The following GIGYF1 variants were observed in gnomAD, a reference collection of about 807,000 sequenced individuals.
GIGYF1 encodes the protein GRB10-interacting GYF protein 1.
In GIGYF1, 84 loss-of-function variants were observed where a neutral mutation model predicts 147.1. The ratio of observed to expected loss-of-function variants is 0.57; its 90% CI spans 0.48 to 0.68. The LOEUF is 0.68. GIGYF1 is among the 30% of genes least tolerant of loss of function. The pLI is 0.00. For synonymous variants in GIGYF1, 752 were observed against 589.5 expected (o/e 1.28, Z -3.99); for missense variants, 1,485 against 1,393.7 (o/e 1.07, Z -1.04).
rs1327353394 is a variant in GIGYF1 at position 100,684,242 on chromosome 7, G to A, written c.1725C>T (p.Val575=). 8 of 1,609,976 alleles carry A rather than the reference G, an allele frequency of 5.0e-6. No individual in the cohort carries two copies. The highest frequency in any genetic ancestry group is 6.8e-6 in the Non-Finnish European group (8 of 1,179,096). The change falls in exon 17 of 27, where the codon GTC becomes GTT. Residue 575 remains valine (V), a synonymous_variant. Transcript: ENST00000678049. ...CCACCCCAGGCCCCCCATACCTGCTGACCAGCTGGAGAAACTGCTGGTGCT... is the reference window on the plus strand; with the variant it reads ...CCACCCCAGGCCCCCCATACCTGCTAACCAGCTGGAGAAACTGCTGGTGCT... ...QLQHQQFLQL[V]SSRQLPQCAL...
rs533238859 is a variant in GIGYF1 at position 100,679,702 on chromosome 7, G to A, written c.*2017C>T. 102 of 152,910 alleles carry A rather than the reference G, an allele frequency of 6.7e-4. No homozygotes were observed. The highest frequency in any genetic ancestry group is 3.9e-3 in the South Asian group (19 of 4,836). 9.5% of individuals were successfully genotyped at this position (152,910 alleles called of 1,614,324 possible). A position where few individuals can be genotyped will look rare whatever the true frequency, so the allele number is the denominator to read the frequency against. ...GCGAGGGCCCAGGAAGACCGGGGCC[G>A]GGGAAGGACAGCAACAGGGTCTGAG... is the stretch of plus-strand genomic sequence containing the variant. On this transcript the variant is annotated 3_prime_UTR_variant, in exon 27 of 27. Transcript: ENST00000678049.
In GIGYF1 at chr7:100,681,924, C is replaced by G. The variant is rs778027077; in HGVS notation, c.2995G>C (p.Gly999Arg). The G allele has an allele frequency of 6.2e-7, 1 of 1,610,542 alleles. No individual in the cohort carries two copies. Among genetic ancestry groups the G allele is most frequent in the Non-Finnish European group, 8.5e-7 (1 of 1,179,952 alleles). Reference sequence around the variant, plus strand: ...CGCCTCTTGGCCTTGCTGCCCTCCCCGGGGCCGAGTTTGGTGCTGTGGTTG... The same window carrying G: ...CGCCTCTTGGCCTTGCTGCCCTCCCGGGGGCCGAGTTTGGTGCTGTGGTTG... ...QANHSTKLGPGEGSKAKRRAL... is the reference protein window; with the variant it reads ...QANHSTKLGPREGSKAKRRAL... Residue 999 changes from glycine (G) to arginine (R), a missense_variant, in exon 26 of 27, where the codon GGG becomes CGG. Coordinates refer to ENST00000678049, the MANE Select transcript of GIGYF1 (RefSeq NM_001375765.1).
Position 100,683,815 on chromosome 7 carries a change from C to A in GIGYF1, c.1969+3G>T. The A allele has an allele frequency of 6.4e-7, 1 of 1,574,768 alleles. No individual in the cohort carries two copies. The highest frequency in any genetic ancestry group is 2.3e-5 in the East Asian group (1 of 42,802). On this transcript the variant is annotated splice_donor_region_variant and intron_variant, in intron 19 of 26. Transcript: ENST00000678049. ...GGGGGTGGGGACCAGTCAGGCCACACACCTGACTGTGATGAGGCTGAGGTA... is the reference window on the plus strand; with the variant it reads ...GGGGGTGGGGACCAGTCAGGCCACAAACCTGACTGTGATGAGGCTGAGGTA...
At position 100,684,857 on chromosome 7, in the gene GIGYF1, G is replaced by A. The variant is rs1805163468; in HGVS notation, c.1328C>T (p.Ser443Phe). Residue 443 changes from serine to phenylalanine, a missense_variant, in exon 15 of 27, where the codon TCC becomes TTC. By Grantham distance (155) the Ser-to-Phe change is radical. Coordinates refer to ENST00000678049, the MANE Select transcript of GIGYF1 (RefSeq NM_001375765.1). ...AGCCGTGAACTGCTCCTCCTCCAAG[G>A]AGCTGTCCTGCAGGGAGGCCACCAG... is the stretch of plus-strand genomic sequence containing the variant. ...EKLVASLQDS[S>F]LEEEQFTAAM... 4 of 1,604,990 alleles carry A rather than the reference G, an allele frequency of 2.5e-6. No homozygotes were observed. The highest frequency in any genetic ancestry group is 1.1e-5 in the South Asian group (1 of 90,340).
chr7:100,679,887 A>C lies in GIGYF1; in HGVS notation c.*1832T>G, dbSNP rs1435409212. ...GTCTCTTTAGCTGGGGAGAAGAGAC[A>C]GGAAGAGTGTCCCCCTTCCCCTGCA... On this transcript the variant is annotated 3_prime_UTR_variant, in exon 27 of 27. Coordinates refer to ENST00000678049, the MANE Select transcript of GIGYF1 (RefSeq NM_001375765.1). 6.6e-6 allele frequency: 1 copy of C among 152,620 alleles called. No homozygotes were observed. The highest frequency in any genetic ancestry group is 6.5e-5 in the Admixed American group (1 of 15,282). 9.5% of individuals were successfully genotyped at this position (152,620 alleles called of 1,614,324 possible).
At chr7:100,683,490 T>A (rs781639788) in intron 20 of GIGYF1, 46 bp from the exon 21 acceptor site, 1 of 1,614,072 alleles carries the variant, frequency 6.2e-7, no homozygotes, top group Non-Finnish European at 8.5e-7. Context: ...GGGGACAGCC[T>A]GGGGCCTGCC....
At position 100,687,585 on chromosome 7, in the gene GIGYF1, G is replaced by A. The variant is rs1356749760; in HGVS notation, c.293C>T (p.Ala98Val). The change falls in exon 7 of 27, where the codon GCT becomes GTT. Residue 98 changes from alanine to valine, a missense_variant. Physicochemically the swap from Ala to Val is moderately conservative, Grantham distance 64 (BLOSUM62 0). Transcript: ENST00000678049. ...CCCTTTCCCCATCAGCCTCAGCACAGCCACGCTGTTCACTGACAGGGAGAA... is the reference window on the plus strand; with the variant it reads ...CCCTTTCCCCATCAGCCTCAGCACAACCACGCTGTTCACTGACAGGGAGAA... ...RNFSLSVNSVAVLRLMGKGAG... is the reference protein window; with the variant it reads ...RNFSLSVNSVVVLRLMGKGAG... 5.6e-6 allele frequency: 9 copies of A among 1,612,362 alleles called. No homozygotes were observed. The highest frequency in any genetic ancestry group is 3.3e-5 in the Admixed American group (2 of 59,952).
At position 100,686,062 on chromosome 7, in the gene GIGYF1, G is replaced by A. The variant is rs1805302310; in HGVS notation, c.966C>T (p.Pro322=). 6.2e-7 allele frequency: 1 copy of A among 1,612,726 alleles called. No homozygotes were observed. ...AGTCCAGCTCCTGCTCCTCAGGAAT[G>A]GGCTCCTTGGGGCCCTTCTGCATGG... The part of the protein sequence containing the change: ...FLPLKKGPKE[P]IPEEQELDFQ... The change falls in exon 12 of 27, where the codon CCC becomes CCT. Residue 322 remains proline, a synonymous_variant. Transcript: ENST00000678049.
intron 15 of GIGYF1, 27 bp from the exon 16 acceptor site, chr7:100,684,643 A>AACC: frequency 6.2e-7 from 1 of 1,613,724 alleles, no homozygotes; most frequent in South Asian, 1.1e-5. Flanking sequence ...GGAGCGGGAG[A>AACC]ACCACTGGGG....
In GIGYF1 at chr7:100,684,603, T is replaced by C. The variant is rs766471233; in HGVS notation, c.1476A>G (p.Thr492=). ...CCTGGAACCACTCTGCCATCTCCTG[T>C]GTCGTGAAGGGGCCTGGACAGGGAG... ...PQGEIQGPFT[T]QEMAEWFQAG... The change falls in exon 16 of 27, where the codon ACA becomes ACG. Residue 492 remains threonine (T), a synonymous_variant. Coordinates refer to ENST00000678049, the MANE Select transcript of GIGYF1 (RefSeq NM_001375765.1). 7.4e-6 allele frequency: 12 copies of C among 1,614,024 alleles called. No individual in the cohort carries two copies. The highest frequency in any genetic ancestry group is 9.3e-6 in the Non-Finnish European group (11 of 1,180,038).
In GIGYF1 at chr7:100,688,206, C is replaced by A. The variant is rs773809192; in HGVS notation, c.33G>T (p.Glu11Asp). 1 of 1,612,238 alleles carries A rather than the reference C, an allele frequency of 6.2e-7. No homozygotes were observed. The highest frequency in any genetic ancestry group is 8.5e-7 in the Non-Finnish European group (1 of 1,179,410). ...CAGCCGAGGCACAAGTGACTCACCA[C>A]TCAGGCCCAAAGTTGAGTGTCTCTG... Reference protein sequence around the residue: MAAETLNFGPEWLRALSGGGS... With the variant: MAAETLNFGPDWLRALSGGGS... Residue 11 changes from glutamate (E) to aspartate (D), a missense_variant and splice_region_variant, in exon 4 of 27, where the codon GAG becomes GAT. Glu to Asp is a conservative substitution (Grantham distance 45). Coordinates refer to ENST00000678049, the MANE Select transcript of GIGYF1 (RefSeq NM_001375765.1).
chr7:100,681,805 T>C (rs1489091900), intron 26 of GIGYF1, 34 bp from the exon 27 acceptor site: 4 of 1,600,356 alleles, frequency 2.5e-6, no homozygotes, highest in Non-Finnish European at 3.4e-6. Flanking sequence ...CTGAGCTCTC[T>C]CCTGGGCTCC....
In GIGYF1 at chr7:100,687,887, G is replaced by A. The variant is rs373858158; in HGVS notation, c.166-4C>T. On this transcript the variant is annotated splice_polypyrimidine_tract_variant and splice_region_variant and intron_variant, in intron 5 of 26. Coordinates refer to ENST00000678049, the MANE Select transcript of GIGYF1 (RefSeq NM_001375765.1). The stretch of plus-strand genomic sequence containing the variant: ...TGTCCTGCAGCTCTTCCGGGACCTG[G>A]CAGTGGGTTGGGACAGCCAAGACAC... 3.1e-6 allele frequency: 5 copies of A among 1,613,524 alleles called. No individual in the cohort carries two copies. In the African/African-American group the frequency reaches 6.7e-5, roughly 22 times the overall value.
chr7:100,684,232 C>G lies in GIGYF1; in HGVS notation c.1730+5G>C. On this transcript the variant is annotated splice_donor_5th_base_variant and intron_variant, in intron 17 of 26. Coordinates refer to ENST00000678049, the MANE Select transcript of GIGYF1 (RefSeq NM_001375765.1). ...TTCTCCCAGCCCACCCCAGGCCCCC[C>G]ATACCTGCTGACCAGCTGGAGAAAC... 6.2e-7 allele frequency: 1 copy of G among 1,610,322 alleles called. No homozygotes were observed. The highest frequency in any genetic ancestry group is 8.5e-7 in the Non-Finnish European group (1 of 1,179,294).
chr7:100,684,366 C>G, intron 16 of GIGYF1, 29 bp from the exon 17 acceptor site: 1 of 1,595,600 alleles, frequency 6.3e-7, no homozygotes, highest in Non-Finnish European at 8.5e-7. Flanking sequence ...GGCCAGTGCC[C>G]CCAGCAGGGA....
rs1350937604 is a variant in GIGYF1, at chr7:100,688,227, C to G, written c.12G>C (p.Glu4Asp). ...ACCACTCAGGCCCAAAGTTGAGTGT[C>G]TCTGCTGCCATCGTGGGGCTGGGCG... MAA[E>D]TLNFGPEWLR... is the part of the protein sequence containing the mutation. The change falls in exon 4 of 27, where the codon GAG becomes GAC. Residue 4 changes from glutamate to aspartate, a missense_variant. By Grantham distance (45) the Glu-to-Asp change is conservative. Coordinates refer to ENST00000678049, the MANE Select transcript of GIGYF1 (RefSeq NM_001375765.1). The G allele has an allele frequency of 2.5e-6, 4 of 1,612,102 alleles. No individual in the cohort carries two copies. The highest frequency in any genetic ancestry group is 3.4e-6 in the Non-Finnish European group (4 of 1,179,184).
chr7:100,682,040 C>CCCA, intron 25 of GIGYF1, 32 bp downstream of exon 25: 1 of 1,611,060 alleles, frequency 6.2e-7, no homozygotes, highest in South Asian at 1.1e-5. Context: ...ACCAGGCAAG[C>CCCA]CCACCCCAGC....
Position 100,683,416 on chromosome 7 carries a change from C to T in GIGYF1, c.2081G>A (p.Arg694Lys). 1 of 1,613,984 alleles carries T rather than the reference C, an allele frequency of 6.2e-7. No homozygotes were observed. Among genetic ancestry groups the T allele is most frequent in the Non-Finnish European group, 8.5e-7 (1 of 1,180,022 alleles). ...KFQERREVELRAKREEEERKR... is the reference protein window; with the variant it reads ...KFQERREVELKAKREEEERKR... ...GCGTTCCTCTTCCTCCCGCTTCGCC[C>T]TGAGCTCCACTTCTCTGCGCTCCTG... The change falls in exon 21 of 27, where the codon AGG becomes AAG. Residue 694 changes from arginine (R) to lysine (K), a missense_variant. By Grantham distance (26) the Arg-to-Lys change is conservative. Coordinates refer to ENST00000678049, the MANE Select transcript of GIGYF1 (RefSeq NM_001375765.1).
chr7:100,693,904 G>C (rs1199745836), intron 1 of GIGYF1: 13 of 151,408 alleles, frequency 8.6e-5, no homozygotes, highest in Admixed American at 8.5e-4. Flanking sequence ...GGCGGGGATG[G>C]GCCGGAGCGG....
Sources: gnomAD v4.1 joint callset for allele counts on GRCh38, gnomAD v4.1.1 for gene constraint, MANE v1.5 for transcripts, NCBI Gene and HGNC (gene_info 2026-07-23, HGNC 2026-07-21) for gene names.